Variants in SYNPR observed in about 807,000 individuals in gnomAD.
SYNPR encodes synaptoporin.
A neutral mutation model predicts 32.9 loss-of-function variants in SYNPR; 23 were observed. The ratio of observed to expected loss-of-function variants is 0.70; its 90% CI spans 0.50 to 0.99. SYNPR has a LOEUF of 0.99. Among genes scored for constraint, SYNPR ranks in the 50% least tolerant of loss-of-function variants. SYNPR has a pLI of 0.00. For synonymous variants in SYNPR, 146 were observed against 135.9 expected, an observed-to-expected ratio of 1.07 and a Z score of -0.52; for missense variants, 318 against 349.3, an observed-to-expected ratio of 0.91 and a Z score of 0.71.
intron 2 of SYNPR, among the ~76,000 whole-genome samples, chr3:63,399,619 C>T (rs1199278015): frequency 6.6e-6 from 1 of 151,964 alleles, no homozygotes; most frequent in African/African-American, 2.4e-5. Flanking sequence ...AAATCACCTC[C>T]CAAAAGGGAG....
At chr3:63,538,566 T>C (rs1245233552) in intron 3 of SYNPR, among the ~76,000 whole-genome samples, 3 of 152,078 alleles carry the variant, frequency 2.0e-5, no homozygotes, top group African/African-American at 7.2e-5. Context: ...TTGTTTTGAT[T>C]AATAGAAAGT....
intron 2 of SYNPR, among the ~76,000 whole-genome samples, chr3:63,360,125 T>C (rs1575609825): frequency 6.6e-6 from 1 of 152,164 alleles, no homozygotes; most frequent in Admixed American, 6.5e-5. Context: ...ATTTACAAAA[T>C]AAAATATGTA....
intron 2 of SYNPR, among the ~76,000 whole-genome samples, chr3:63,317,295 T>C (rs1033822180): frequency 6.6e-6 from 1 of 151,958 alleles, no homozygotes; most frequent in African/African-American, 2.4e-5. Flanking sequence ...TTGTTGACTT[T>C]CCATTTTGTT....
chr3:63,375,869 T>G lies in SYNPR; in HGVS notation c.84+97127T>G, dbSNP rs374040531. Among the ~76,000 whole-genome samples the G allele has an allele frequency of 1.8e-4, 28 of 152,302 alleles. No individual in the cohort carries two copies. The East Asian group carries it at 2.7e-3, about 15-fold the overall frequency. ...TGAGTGTGCAGTGATCCACCAAACA[T>G]GTCCACTTGAGTGTCTAAAGTCATC... On this transcript the variant is annotated intron_variant, in intron 2 of 5. Transcript: ENST00000478300.
intron 3 of SYNPR, among the ~76,000 whole-genome samples, chr3:63,535,421 A>G (rs1219224545): frequency 6.6e-6 from 1 of 152,158 alleles, no homozygotes; most frequent in Non-Finnish European, 1.5e-5. Flanking sequence ...CCGTTGTTTT[A>G]GTAGGACTAC....
chr3:63,310,696 C>G (rs1371185401), intron 2 of SYNPR, among the ~76,000 whole-genome samples: 1 of 151,966 alleles, frequency 6.6e-6, no homozygotes, highest in Non-Finnish European at 1.5e-5. Flanking sequence ...ATGTCCAACA[C>G]AGAGCCAATC....
chr3:63,357,360 T>C (rs1041061452), intron 2 of SYNPR, among the ~76,000 whole-genome samples: 3 of 152,124 alleles, frequency 2.0e-5, no homozygotes, highest in African/African-American at 7.2e-5. Context: ...TGAAGAATAA[T>C]CAATGTCCTG....
At chr3:63,362,423 G>A (rs2087673732) in intron 2 of SYNPR, among the ~76,000 whole-genome samples, 2 of 152,028 alleles carry the variant, frequency 1.3e-5, no homozygotes, top group African/African-American at 4.8e-5. Context: ...CACCATGTTA[G>A]GAAACAGGTT....
intron 2 of SYNPR, among the ~76,000 whole-genome samples, chr3:63,307,207 A>G (rs1341426009): frequency 1.3e-5 from 2 of 152,024 alleles, no homozygotes; most frequent in Non-Finnish European, 2.9e-5. Context: ...CCCAGAGGGT[A>G]AGTTATTCAC....
At chr3:63,539,741 G>T (rs1702266550) in intron 3 of SYNPR, among the ~76,000 whole-genome samples, 2 of 152,128 alleles carry the variant, frequency 1.3e-5, no homozygotes, top group South Asian at 4.1e-4. Context: ...AGACAGAGAA[G>T]GGAGCAAGCC....
intron 2 of SYNPR, among the ~76,000 whole-genome samples, chr3:63,474,305 C>T (rs115028342): frequency 2.3e-3 from 346 of 152,284 alleles, no homozygotes; most frequent in African/African-American, 7.8e-3. Context: ...TGAATGCCCT[C>T]GGCAGAGAAA....
rs1560205143 is a variant in SYNPR, at chr3:63,361,739, G to A, written c.84+82997G>A. Among the ~76,000 whole-genome samples the A allele has an allele frequency of 2.6e-5, 4 of 152,072 alleles. No homozygotes were observed. In the South Asian group the frequency reaches 8.3e-4, roughly 32 times the overall value. On this transcript the variant is annotated intron_variant, in intron 2 of 5. Transcript: ENST00000478300. The stretch of plus-strand genomic sequence containing the variant: ...GATGATAGCTGTGATTGCAGTTATA[G>A]TTATTATAGGGTGCTAATTAACTTA...
intron 3 of SYNPR, among the ~76,000 whole-genome samples, chr3:63,547,119 C>T (rs1456807459): frequency 1.3e-5 from 2 of 152,172 alleles, no homozygotes; most frequent in South Asian, 2.1e-4. Flanking sequence ...TGTACTAGAT[C>T]GTTTTATATT....
At chr3:63,228,879 G>A (rs920041165) in intron 1 of SYNPR, among the ~76,000 whole-genome samples, 1 of 151,436 alleles carries the variant, frequency 6.6e-6, no homozygotes, top group Middle Eastern at 3.2e-3. Flanking sequence ...GCAGAAAACC[G>A]GAAACTATTG....
At chr3:63,290,858 T>G (rs1385528427) in intron 2 of SYNPR, among the ~76,000 whole-genome samples, 1 of 152,204 alleles carries the variant, frequency 6.6e-6, no homozygotes, top group African/African-American at 2.4e-5. Context: ...ATCCATCTGG[T>G]CTACTCTGAG....
intron 3 of SYNPR, among the ~76,000 whole-genome samples, chr3:63,503,200 C>G (rs6763684): frequency 1.3e-5 from 2 of 151,824 alleles, no homozygotes; most frequent in African/African-American, 2.4e-5. Flanking sequence ...TCTGATGACA[C>G]GTGATGTGGA....
chr3:63,384,438 AT>A (rs1413047210), intron 2 of SYNPR, among the ~76,000 whole-genome samples: 1 of 152,172 alleles, frequency 6.6e-6, no homozygotes, highest in Non-Finnish European at 1.5e-5. Flanking sequence ...AAGTCTAGCT[AT>A]TTATGATAAT....
intron 2 of SYNPR, among the ~76,000 whole-genome samples, chr3:63,266,926 T>A (rs2086495086): frequency 6.6e-6 from 1 of 152,120 alleles, no homozygotes; most frequent in African/African-American, 2.4e-5. Context: ...ATGAATGTAA[T>A]CAGCTTGGGT....
At chr3:63,203,068 G>GTGTA in the SYNPR span, 636 of 108,526 alleles carry the variant, frequency 5.9e-3, 19 homozygotes, top group African/African-American at 0.027. Flanking sequence ...ATATGTATGT[G>GTGTA]TATATATATA....
Sources: gnomAD v4.1 joint callset for allele counts (sites outside exome capture counted in the v4.1 genomes callset) on GRCh38, gnomAD v4.1.1 for gene constraint, MANE v1.5 for transcripts, NCBI Gene and HGNC (gene_info 2026-07-23, HGNC 2026-07-21) for gene names.